The following UNC79 variants were observed in gnomAD, a reference collection of about 807,000 sequenced individuals.
UNC79 encodes the protein protein unc-79 homolog.
Under a neutral mutation model 283.1 loss-of-function variants are expected in UNC79, and 37 were observed. The ratio of observed to expected loss-of-function variants is 0.13; its 90% CI spans 0.10 to 0.17. The LOEUF is 0.17. UNC79 is among the 10% of genes least tolerant of loss of function. UNC79 has a pLI of 1.00. For missense variants in UNC79, 2,272 were observed against 3,211.1 expected, an observed-to-expected ratio of 0.71 and a Z score of 7.07; for synonymous variants, 1,107 against 1,200.2, an observed-to-expected ratio of 0.92 and a Z score of 1.61.
At chr14:93,539,291 G>A (rs2061255521) in intron 12 of UNC79, among the ~76,000 whole-genome samples, 1 of 150,414 alleles carries the variant, frequency 6.6e-6, no homozygotes, top group African/African-American at 2.4e-5. Context: ...GAGAGACCGA[G>A]GCGGGTGGAT....
intron 1 of UNC79, among the ~76,000 whole-genome samples, chr14:93,360,621 C>A (rs2054201317): frequency 6.6e-6 from 1 of 152,224 alleles, no homozygotes; most frequent in African/African-American, 2.4e-5. Context: ...GGTATATCAA[C>A]TTTCCAGCTT....
chr14:93,655,488 G>A, intron 38 of UNC79, 81 bp downstream of exon 41: 1 of 1,506,672 alleles, frequency 6.6e-7, no homozygotes, highest in African/African-American at 1.4e-5. Flanking sequence ...AGAGTCTTGG[G>A]TGATTTAATG....
At chr14:93,661,086 A>G (rs1435544263) in intron 39 of UNC79, among the ~76,000 whole-genome samples, 1 of 152,216 alleles carries the variant, frequency 6.6e-6, no homozygotes. Context: ...TAGAAAAAAG[A>G]ACCTCAAATA....
intron 2 of UNC79, among the ~76,000 whole-genome samples, chr14:93,473,548 T>C (rs1027028357): frequency 6.6e-6 from 1 of 152,222 alleles, no homozygotes; most frequent in African/African-American, 2.4e-5. Context: ...AGACATTATT[T>C]TGATGCAATA....
At chr14:93,608,059 T>C (rs1490878007) in intron 26 of UNC79, among the ~76,000 whole-genome samples, 1 of 152,252 alleles carries the variant, frequency 6.6e-6, no homozygotes, top group Non-Finnish European at 1.5e-5. Context: ...GGGGTCTTGC[T>C]ATGTGGCTCA....
chr14:93,700,182 T>C (rs1309814579), intron 47 of UNC79, among the ~76,000 whole-genome samples: 1 of 151,922 alleles, frequency 6.6e-6, no homozygotes, highest in African/African-American at 2.4e-5. Context: ...CTGTATGTGA[T>C]ATGTCTTTTT....
At chr14:93,571,144 T>C (rs1215500861) in intron 14 of UNC79, among the ~76,000 whole-genome samples, 1 of 152,216 alleles carries the variant, frequency 6.6e-6, no homozygotes, top group Non-Finnish European at 1.5e-5. Flanking sequence ...AAAATTGAAT[T>C]CATTTAAATT....
At position 93,688,769 on chromosome 14, in the gene UNC79, CCA is replaced by C; in HGVS notation, c.7017_7018del (p.His2339GlnfsTer3). The C allele has an allele frequency of 6.2e-7, 1 of 1,614,076 alleles. No individual in the cohort carries two copies. Among genetic ancestry groups the C allele is most frequent in the Non-Finnish European group, 8.5e-7 (1 of 1,180,014 alleles). On this transcript the variant is annotated frameshift_variant, in exon 44 of 49. Coordinates refer to ENST00000555664, the Ensembl canonical transcript of UNC79. LOFTEE classifies it high-confidence loss of function. The surrounding 1 kb of genome is among the most constrained non-coding windows in gnomAD (Gnocchi z 4.0). ...CAGCCATGGACATCTCACGGGGCAA[CCA>C]CAGAGATAACAAAGCTGTGATCCGC...
chr14:93,404,347 A>G (rs2140034904), intron 1 of UNC79, among the ~76,000 whole-genome samples: 1 of 149,154 alleles, frequency 6.7e-6, no homozygotes, highest in South Asian at 2.1e-4. Context: ...AAAATTAGCC[A>G]GGCATGATGG....
intron 1 of UNC79, among the ~76,000 whole-genome samples, chr14:93,379,825 C>G (rs1286434511): frequency 1.3e-5 from 2 of 151,850 alleles, no homozygotes; most frequent in African/African-American, 4.8e-5. Flanking sequence ...TCCATGTAAC[C>G]AAAACCCATC....
At chr14:93,532,053 A>G (rs1224744643) in intron 10 of UNC79, among the ~76,000 whole-genome samples, 1 of 152,194 alleles carries the variant, frequency 6.6e-6, no homozygotes, top group Non-Finnish European at 1.5e-5. Flanking sequence ...TGAGGAAACT[A>G]GAAGCCAATA....
exon 41 of UNC79, chr14:93,673,353 A>G: frequency 6.2e-7 from 1 of 1,611,898 alleles, no homozygotes. Context: ...TTCTTTAGGA[A>G]CGAGATAAAT....
At chr14:93,595,734 A>G (rs1269954180) in intron 23 of UNC79, among the ~76,000 whole-genome samples, 1 of 152,166 alleles carries the variant, frequency 6.6e-6, no homozygotes, top group East Asian at 1.9e-4. Flanking sequence ...CGGATCTCCC[A>G]TAGCATTTTA....
exon 22 of UNC79, chr14:93,586,844 T>C (rs2064254697): frequency 6.2e-7 from 1 of 1,614,092 alleles, no homozygotes; most frequent in Non-Finnish European, 8.5e-7. Flanking sequence ...AGAATGTTTA[T>C]ACATTGCCAG....
At chr14:93,467,861 A>G (rs999833792) in intron 2 of UNC79, 70 bp downstream of exon 2, 7 of 1,424,074 alleles carry the variant, frequency 4.9e-6, no homozygotes, top group Middle Eastern at 1.8e-4. Flanking sequence ...TGGGATCTAA[A>G]TTTTTATTGA....
chr14:93,571,809 T>A (rs777427526), intron 14 of UNC79, 85 bp from the exon 15 acceptor site: 3 of 1,435,324 alleles, frequency 2.1e-6, no homozygotes, highest in Admixed American at 1.9e-5. Flanking sequence ...CCTTTCTCTG[T>A]ACCCATTGCC....
intron 39 of UNC79, among the ~76,000 whole-genome samples, chr14:93,661,625 C>T (rs1482282993): frequency 2.0e-5 from 3 of 152,158 alleles, no homozygotes; most frequent in Non-Finnish European, 2.9e-5. Context: ...TGCTTGTCTA[C>T]TTAACTGCCT....
At position 93,590,097 on chromosome 14, in the gene UNC79, G is replaced by T. The variant is rs538025921; in HGVS notation, c.3032+3189G>T. Among the ~76,000 whole-genome samples the T allele has an allele frequency of 2.6e-5, 4 of 152,232 alleles. No homozygotes were observed. The East Asian group carries it at 7.7e-4, about 29-fold the overall frequency. On this transcript the variant is annotated intron_variant, in intron 22 of 48. Transcript: ENST00000555664. ...TGCCACATGGTCTTCTTCCCTGTGT[G>T]TCCCTGAGTGCCCCTTCCTCTTATT...
intron 11 of UNC79, among the ~76,000 whole-genome samples, chr14:93,536,052 C>T (rs2141116331): frequency 6.6e-6 from 1 of 150,572 alleles, no homozygotes; most frequent in Non-Finnish European, 1.5e-5. Flanking sequence ...GGCTTGGCTC[C>T]TTAAGTATTC....
Sources: allele counts gnomAD v4.1 joint callset (sites outside exome capture counted in the v4.1 genomes callset), GRCh38; gene constraint gnomAD v4.1.1; non-coding constraint Gnocchi (gnomAD v3.1); transcripts MANE v1.5; gene names NCBI Gene and HGNC (gene_info 2026-07-23, HGNC 2026-07-21).